OSBPL2: variants seen among roughly 807,000 people sequenced by gnomAD.
The protein encoded by OSBPL2 is oxysterol binding protein like 2, also known as oxysterol-binding protein-related protein 2.
OSBPL2 carries 18 observed loss-of-function variants against 58.4 expected under a neutral mutation model. That is an observed-to-expected ratio of 0.31 (90% CI 0.21 to 0.46). The LOEUF (loss-of-function observed/expected upper bound fraction) is 0.46. OSBPL2 is among the 20% of genes least tolerant of loss of function. The pLI is 1.00. For missense variants in OSBPL2, 461 were observed against 616.5 expected (o/e 0.75, Z 2.67); for synonymous variants, 221 against 234.1 (o/e 0.94, Z 0.51).
chr20:62,294,286 T>C lies in OSBPL2; in HGVS notation c.*399T>C. 1 of 182,594 alleles carries C rather than the reference T, an allele frequency of 5.5e-6. No individual in the cohort carries two copies. The highest frequency in any genetic ancestry group is 1.1e-5 in the Non-Finnish European group (1 of 87,566). 11.3% of individuals were successfully genotyped at this position (182,594 alleles called of 1,614,324 possible). ...GCAGTGGCAAAAGGTTCTGAAAGCC[T>C]TTTAAACTCGAACCAGTGGGGGAAA... On this transcript the variant is annotated 3_prime_UTR_variant, in exon 14 of 14. Coordinates refer to ENST00000313733, the MANE Select transcript of OSBPL2 (RefSeq NM_144498.4).
chr20:62,286,750 A>G (rs777507442), intron 11 of OSBPL2, 39 bp downstream of exon 11: 2 of 1,586,118 alleles, frequency 1.3e-6, no homozygotes, highest in South Asian at 1.1e-5. Context: ...CTGCCTGCTC[A>G]TGTCACACCC....
intron 7 of OSBPL2, chr20:62,280,061 C>T (rs1371216195): frequency 2.5e-5 from 33 of 1,304,198 alleles, no homozygotes; most frequent in Non-Finnish European, 3.2e-5. Flanking sequence ...AAATGCCGGC[C>T]GCTAAGACCC....
At chr20:62,246,521 G>T (rs1980126144) in intron 1 of OSBPL2, among the ~76,000 whole-genome samples, 1 of 152,228 alleles carries the variant, frequency 6.6e-6, no homozygotes, top group African/African-American at 2.4e-5. Context: ...GGGCTTCTAG[G>T]CGTCCGGGTG....
intron 4 of OSBPL2, 36 bp downstream of exon 4, chr20:62,263,727 C>T (rs764862287): frequency 5.1e-6 from 8 of 1,556,544 alleles, no homozygotes; most frequent in Non-Finnish European, 7.1e-6. Flanking sequence ...CATGGGGCTG[C>T]ACCACTGACT....
At chr20:62,279,379 G>T (rs1982631666) in intron 7 of OSBPL2, 40 bp downstream of exon 7, 1 of 1,595,124 alleles carries the variant, frequency 6.3e-7, no homozygotes. Context: ...GCTTCCTGCA[G>T]AAACTGAAAT....
intron 6 of OSBPL2, among the ~76,000 whole-genome samples, chr20:62,277,840 G>T (rs1355493750): frequency 6.6e-6 from 1 of 152,138 alleles, no homozygotes; most frequent in Non-Finnish European, 1.5e-5. Flanking sequence ...CTGACATTTT[G>T]ATTGAAAAAG....
intron 3 of OSBPL2, among the ~76,000 whole-genome samples, chr20:62,261,789 G>A (rs777802996): frequency 7.2e-5 from 11 of 152,112 alleles, no homozygotes; most frequent in African/African-American, 2.2e-4. Flanking sequence ...TGTTTGAGAC[G>A]GAGTCTCACT....
At chr20:62,267,662 C>T (rs1217493089) in intron 4 of OSBPL2, among the ~76,000 whole-genome samples, 1 of 152,188 alleles carries the variant, frequency 6.6e-6, no homozygotes, top group Non-Finnish European at 1.5e-5. Context: ...GGCCTCATGT[C>T]TGCGTCTCTT....
chr20:62,239,492 G>A (rs914174065), intron 1 of OSBPL2, among the ~76,000 whole-genome samples: 1 of 152,178 alleles, frequency 6.6e-6, no homozygotes, highest in Non-Finnish European at 1.5e-5. Flanking sequence ...TCCCAGGGGC[G>A]TTTCTATCTG....
At position 62,260,153 on chromosome 20, in the gene OSBPL2, A is replaced by C. The variant is rs535767855; in HGVS notation, c.182+28A>C. On this transcript the variant is annotated intron_variant, in intron 3 of 13. Coordinates refer to ENST00000313733, the MANE Select transcript of OSBPL2 (RefSeq NM_144498.4). ...ATGTTCTCTCACGTCTGCTGTTTCT[A>C]AAATGTGTCTGTAATCACCCCAAAA... 1.9e-6 allele frequency: 3 copies of C among 1,608,008 alleles called. No individual in the cohort carries two copies. The South Asian group carries it at 3.3e-5, about 18-fold the overall frequency.
chr20:62,261,569 A>T (rs2145935032), intron 3 of OSBPL2, among the ~76,000 whole-genome samples: 1 of 151,798 alleles, frequency 6.6e-6, no homozygotes, highest in East Asian at 1.9e-4. Context: ...CACCCTACAG[A>T]TATGGGAGCC....
intron 1 of OSBPL2, among the ~76,000 whole-genome samples, chr20:62,247,235 TTGAG>T (rs1980182460): frequency 6.6e-6 from 1 of 152,208 alleles, no homozygotes; most frequent in South Asian, 2.1e-4. Flanking sequence ...GCACGTCGGC[TTGAG>T]TGAGTGCAGG....
intron 10 of OSBPL2, chr20:62,286,306 C>T (rs954432927): frequency 1.7e-5 from 5 of 291,996 alleles, no homozygotes; most frequent in East Asian, 7.4e-5. Flanking sequence ...AACAATTAGC[C>T]GGGCATGGTT....
chr20:62,266,123 T>TA (rs925594110), intron 4 of OSBPL2, among the ~76,000 whole-genome samples: 5 of 151,524 alleles, frequency 3.3e-5, no homozygotes, highest in Admixed American at 1.3e-4. Context: ...CCTTGTCTCT[T>TA]AAAAAAAAAT....
At chr20:62,280,361 TTAAG>T (rs1449624022) in intron 7 of OSBPL2, 18 of 300,844 alleles carry the variant, frequency 6.0e-5, no homozygotes, top group Admixed American at 4.7e-5. Context: ...CCTTGCTTAA[TTAAG>T]AGGCATGCAG....
chr20:62,273,474 T>C (rs1982197626), intron 6 of OSBPL2, 68 bp downstream of exon 6: 10 of 1,184,760 alleles, frequency 8.4e-6, no homozygotes, highest in Admixed American at 1.9e-5. Flanking sequence ...ATAAGTTTGA[T>C]TCTTTCACTA....
chr20:62,266,537 A>G (rs1418901495), intron 4 of OSBPL2, among the ~76,000 whole-genome samples: 2 of 150,466 alleles, frequency 1.3e-5, no homozygotes, highest in Non-Finnish European at 3.0e-5. Context: ...CTGGATCTGC[A>G]GTGATTGGCT....
chr20:62,272,652 A>G (rs900850106), intron 5 of OSBPL2, among the ~76,000 whole-genome samples: 5 of 152,040 alleles, frequency 3.3e-5, no homozygotes, highest in South Asian at 2.1e-4. Flanking sequence ...TAATCCCAAC[A>G]CTTCGGGAGG....
intron 4 of OSBPL2, chr20:62,264,491 G>A (rs1981539315): frequency 6.6e-6 from 1 of 152,216 alleles, no homozygotes; most frequent in Admixed American, 6.5e-5. Flanking sequence ...AAACTCACAT[G>A]GCCTGGGAAT....
Sources: allele counts gnomAD v4.1 joint callset (sites outside exome capture counted in the v4.1 genomes callset), GRCh38; gene constraint gnomAD v4.1.1; transcripts MANE v1.5; gene names NCBI Gene and HGNC (gene_info 2026-07-23, HGNC 2026-07-21).